The following ZFHX3 variants were observed in gnomAD, a reference collection of about 807,000 sequenced individuals.
ZFHX3 encodes the protein zinc finger homeobox 3, also known as zinc finger homeobox protein 3.
In ZFHX3, 42 loss-of-function variants were observed where a neutral mutation model predicts 279.1. That is an observed-to-expected ratio of 0.15 (90% CI 0.12 to 0.19). The LOEUF is 0.19. ZFHX3 is among the 10% of genes least tolerant of loss of function. The probability of loss-of-function intolerance (pLI) is 1.00; values close to 1 mark genes in which losing one functional copy is unlikely to be tolerated. For synonymous variants in ZFHX3, 2,293 were observed against 1,957.8 expected (o/e 1.17, Z -4.52); for missense variants, 4,981 against 4,754.0 (o/e 1.05, Z -1.40).
At chr16:73,127,464 C>T (rs1211252156) in intron 7 of ZFHX3, 8 of 1,305,280 alleles carry the variant, frequency 6.1e-6, no homozygotes, top group Non-Finnish European at 7.1e-6. Flanking sequence ...AAGCGAGAGC[C>T]GGGCATCGAC....
intron 2 of ZFHX3, among the ~76,000 whole-genome samples, chr16:73,553,772 G>A (rs1012548743): frequency 6.6e-6 from 1 of 151,938 alleles, no homozygotes; most frequent in Non-Finnish European, 1.5e-5. Flanking sequence ...GCCTCCAAGT[G>A]TAGGGTGGGG....
At chr16:73,705,028 T>A (rs943136789) in intron 1 of ZFHX3, among the ~76,000 whole-genome samples, 4 of 152,208 alleles carry the variant, frequency 2.6e-5, no homozygotes, top group African/African-American at 9.7e-5. Flanking sequence ...TCATTGAGTA[T>A]GGAGTTGGGA....
rs556501708 is a variant in ZFHX3 at position 73,390,474 on chromosome 16, C to T, written c.-1291+65529G>A. On this transcript the variant is annotated intron_variant, in intron 3 of 17. Coordinates refer to the ZFHX3 transcript ENST00000641206. ...CTGAAGCTGGATATGCCAAGCTTTG[C>T]ACCGGTGGCTGGAGGCCTAGCGGGG... is the stretch of plus-strand genomic sequence containing the variant. 7.2e-5 allele frequency among the ~76,000 whole-genome samples: 11 copies of T among 152,278 alleles called. No homozygotes were observed. The South Asian group carries it at 2.3e-3, about 32-fold the overall frequency.
chr16:73,421,584 T>G (rs547989446), intron 3 of ZFHX3, among the ~76,000 whole-genome samples: 6 of 152,316 alleles, frequency 3.9e-5, no homozygotes, highest in Admixed American at 1.3e-4. Context: ...GTACAACATT[T>G]TATGCCAGTA....
intron 5 of ZFHX3, among the ~76,000 whole-genome samples, chr16:73,206,285 A>T (rs1392807689): frequency 6.6e-6 from 1 of 152,216 alleles, no homozygotes; most frequent in Non-Finnish European, 1.5e-5. Flanking sequence ...TTCTTTGATG[A>T]GTCAGAGGGC....
rs566599771 is a variant in ZFHX3, at chr16:73,545,439, A to AT, written c.-1546-89182dup. Reference sequence around the variant, plus strand: ...CTCCTGGCTTCGGCGTCTCTCTCCTATTTTTTCATTTGTGTTTACATTTCT... The same window carrying AT: ...CTCCTGGCTTCGGCGTCTCTCTCCTATTTTTTTCATTTGTGTTTACATTTCT... On this transcript the variant is annotated intron_variant, in intron 2 of 17. Coordinates refer to the ZFHX3 transcript ENST00000641206. Among the ~76,000 whole-genome samples the AT allele has an allele frequency of 8.5e-4, 129 of 152,078 alleles. 1 individual carries two copies. Among genetic ancestry groups the AT allele is most frequent in the African/African-American group, 3.1e-3 (128 of 41,480 alleles).
chr16:73,235,566 G>C (rs953288214), intron 5 of ZFHX3, among the ~76,000 whole-genome samples: 2 of 152,168 alleles, frequency 1.3e-5, no homozygotes, highest in Non-Finnish European at 2.9e-5. Flanking sequence ...AGAGGCACTC[G>C]GCTCTGGTCA....
chr16:73,772,418 G>A (rs768501756), intron 1 of ZFHX3, among the ~76,000 whole-genome samples: 10 of 152,094 alleles, frequency 6.6e-5, no homozygotes, highest in East Asian at 1.9e-4. Context: ...TTGCCATCAC[G>A]CGAACAGCAT....
chr16:73,278,971 C>T (rs2014387193), intron 4 of ZFHX3, among the ~76,000 whole-genome samples: 1 of 152,226 alleles, frequency 6.6e-6, no homozygotes, highest in Non-Finnish European at 1.5e-5. Context: ...AAAAAATTTT[C>T]ACCTGTCTTC....
intron 6 of ZFHX3, among the ~76,000 whole-genome samples, chr16:73,132,733 G>A (rs1019628222): frequency 1.3e-5 from 2 of 152,106 alleles, no homozygotes; most frequent in African/African-American, 4.8e-5. Context: ...AGCACATAAT[G>A]TAACATGATT....
intron 1 of ZFHX3, among the ~76,000 whole-genome samples, chr16:73,690,158 C>A (rs1230939814): frequency 6.6e-6 from 1 of 152,084 alleles, no homozygotes; most frequent in Admixed American, 6.5e-5. Context: ...CTCAGACAAT[C>A]CTCCCACCTC....
rs909089056 is a variant in ZFHX3, at chr16:73,600,543, A to G, written c.-1547+79637T>C. 2.0e-5 allele frequency among the ~76,000 whole-genome samples: 3 copies of G among 150,850 alleles called. No homozygotes were observed. In the East Asian group the frequency reaches 5.8e-4, roughly 29 times the overall value. On this transcript the variant is annotated intron_variant, in intron 2 of 17. Transcript: ENST00000641206. ...AGCCATTCTCCTGCCTCAGCCTCCC[A>G]AGTAGCTGGGACTACAGGCGCCCGC...
chr16:72,892,470 G>C (rs2038796013), intron 3 of ZFHX3, among the ~76,000 whole-genome samples: 1 of 151,644 alleles, frequency 6.6e-6, no homozygotes, highest in Admixed American at 6.6e-5. Flanking sequence ...CTTTTCTGGA[G>C]ATAAATTTGA....
chr16:73,524,532 C>T lies in ZFHX3; in HGVS notation c.-1546-68274G>A, dbSNP rs1035344298. Reference sequence around the variant, plus strand: ...AAAGAGCTGTGAAAACAGCTTGATTCTCATGTTCTGATTCGCATGTTCTTG... The same window carrying T: ...AAAGAGCTGTGAAAACAGCTTGATTTTCATGTTCTGATTCGCATGTTCTTG... On this transcript the variant is annotated intron_variant, in intron 2 of 17. Transcript: ENST00000641206. Among the ~76,000 whole-genome samples, 5 of 152,310 alleles carry T rather than the reference C, an allele frequency of 3.3e-5. No individual in the cohort carries two copies. In the East Asian group the frequency reaches 9.7e-4, roughly 29 times the overall value.
intron 4 of ZFHX3, among the ~76,000 whole-genome samples, chr16:73,269,755 A>ATT (rs558677879): frequency 4.1e-5 from 6 of 145,542 alleles, no homozygotes; most frequent in African/African-American, 1.5e-4. Flanking sequence ...GCTTTTCTTT[A>ATT]TTTTTTTTTT....
At chr16:73,587,050 C>T (rs2051934508) in intron 2 of ZFHX3, among the ~76,000 whole-genome samples, 1 of 152,076 alleles carries the variant, frequency 6.6e-6, no homozygotes, top group African/African-American at 2.4e-5. Context: ...GCTGGAGCAT[C>T]AATTTTGGAG....
intron 1 of ZFHX3, among the ~76,000 whole-genome samples, chr16:73,715,876 G>A (rs9938122): frequency 6.6e-6 from 1 of 152,104 alleles, no homozygotes; most frequent in Admixed American, 6.6e-5. Context: ...CTGGCCCATA[G>A]CTAGTCTTTA....
chr16:73,650,376 T>C (rs1162745971), intron 2 of ZFHX3, among the ~76,000 whole-genome samples: 1 of 151,292 alleles, frequency 6.6e-6, no homozygotes, highest in Non-Finnish European at 1.5e-5. Context: ...AGCAAACTTC[T>C]CTAAATTAAA....
intron 1 of ZFHX3, among the ~76,000 whole-genome samples, chr16:72,990,019 T>C (rs1963018090): frequency 6.6e-6 from 1 of 152,212 alleles, no homozygotes; most frequent in African/African-American, 2.4e-5. Flanking sequence ...TGGCCCTCTC[T>C]AGACCAACTT....
Sources: allele counts gnomAD v4.1 joint callset (sites outside exome capture counted in the v4.1 genomes callset), GRCh38; gene constraint gnomAD v4.1.1; transcripts MANE v1.5; gene names NCBI Gene and HGNC (gene_info 2026-07-23, HGNC 2026-07-21).